The following ARFGEF1 variants were observed in gnomAD, a reference collection of about 807,000 sequenced individuals.
The protein encoded by ARFGEF1 is brefeldin A-inhibited guanine nucleotide-exchange protein 1.
A neutral mutation model predicts 231.0 loss-of-function variants in ARFGEF1; 42 were observed. The observed-to-expected ratio is 0.18, with a 90% CI of 0.14 to 0.24. The LOEUF is 0.24. ARFGEF1 is among the 10% of genes least tolerant of loss of function. ARFGEF1 has a pLI of 1.00. For missense variants in ARFGEF1, 1,345 were observed against 2,192.0 expected (o/e 0.61, Z 7.72); for synonymous variants, 710 against 732.3 (o/e 0.97, Z 0.49).
chr8:67,296,098 T>C (rs1055093555), intron 5 of ARFGEF1, among the ~76,000 whole-genome samples: 2 of 152,180 alleles, frequency 1.3e-5, no homozygotes, highest in African/African-American at 4.8e-5. Context: ...TTATTTCAGA[T>C]TAGATTAAGT....
Position 67,258,241 on chromosome 8 carries a change from A to G in ARFGEF1, c.2285T>C (p.Val762Ala), listed in dbSNP as rs1840522662. The G allele has an allele frequency of 6.2e-7, 1 of 1,610,262 alleles. No homozygotes were observed. The highest frequency in any genetic ancestry group is 8.5e-7 in the Non-Finnish European group (1 of 1,177,028). ...LGDNDKFNKE[V>A]MYAYVDQHDF... is the part of the protein sequence containing the mutation. ...ATGTTGGTCCACATATGCATACATG[A>G]CTTCTTTGTTAAATTTATCATTATC... Residue 762 changes from valine (V) to alanine (A), a missense_variant, in exon 16 of 39, where the codon GTC becomes GCC. Around this residue, in one of 14 missense-constraint regions of ARFGEF1, gnomAD observed 105 missense variants for 159.3 expected, o/e 0.66. Coordinates refer to ENST00000262215, the MANE Select transcript of ARFGEF1 (RefSeq NM_006421.5).
At chr8:67,190,499 TAAAA>T (rs1476791589) in intron 5 of ARFGEF1, 3 of 622,166 alleles carry the variant, frequency 4.8e-6, no homozygotes, top group Non-Finnish European at 5.8e-6. Flanking sequence ...GTAAATTTAC[TAAAA>T]AAATCACCGA....
chr8:67,278,661 C>T (rs978636536), intron 7 of ARFGEF1, among the ~76,000 whole-genome samples: 5 of 152,072 alleles, frequency 3.3e-5, no homozygotes, highest in African/African-American at 4.8e-5. Context: ...GCCTGGCCAA[C>T]ATGGTGAAAC....
chr8:67,320,439 A>G (rs916688020), intron 1 of ARFGEF1, among the ~76,000 whole-genome samples: 1 of 152,154 alleles, frequency 6.6e-6, no homozygotes, highest in Admixed American at 6.5e-5. Flanking sequence ...TTTAGAAAAC[A>G]GTTTGTAAGT....
intron 23 of ARFGEF1, 35 bp downstream of exon 23, chr8:67,232,820 A>G (rs1269067206): frequency 6.8e-7 from 1 of 1,476,512 alleles, no homozygotes; most frequent in Non-Finnish European, 9.3e-7. Context: ...CTGAAATAGT[A>G]ATCATCTGAA....
At chr8:67,311,478 C>T (rs1807052983) in intron 1 of ARFGEF1, among the ~76,000 whole-genome samples, 1 of 143,514 alleles carries the variant, frequency 7.0e-6, no homozygotes. Context: ...GGGTCAGCCA[C>T]CCGCCTGGCC....
intron 22 of ARFGEF1, among the ~76,000 whole-genome samples, chr8:67,235,420 T>C (rs927502134): frequency 5.9e-5 from 9 of 152,130 alleles, no homozygotes; most frequent in Non-Finnish European, 8.8e-5. Flanking sequence ...GCAATCACAA[T>C]AGAGAGGGCA....
intron 4 of ARFGEF1, among the ~76,000 whole-genome samples, chr8:67,297,800 GTTT>G (rs11320985): frequency 4.2e-5 from 6 of 142,306 alleles, no homozygotes; most frequent in African/African-American, 1.3e-4. Flanking sequence ...TGATCAACCC[GTTT>G]TTTTTTTTTT....
intron 17 of ARFGEF1, among the ~76,000 whole-genome samples, chr8:67,256,096 AT>A (rs1440240516): frequency 6.6e-6 from 1 of 152,194 alleles, no homozygotes; most frequent in Non-Finnish European, 1.5e-5. Flanking sequence ...TCTAGTGTAG[AT>A]TGAAAAATCA....
intron 5 of ARFGEF1, among the ~76,000 whole-genome samples, chr8:67,187,834 A>G (rs1351428937): frequency 6.6e-6 from 1 of 152,246 alleles, no homozygotes; most frequent in African/African-American, 2.4e-5. Context: ...GGACATCTGC[A>G]TGTGAAAAAA....
chr8:67,308,763 TTTTTAA>T (rs1361767982), intron 1 of ARFGEF1, among the ~76,000 whole-genome samples: 1 of 152,196 alleles, frequency 6.6e-6, no homozygotes. Context: ...ATTTTTTTAT[TTTTTAA>T]TTTTATTATT....
At chr8:67,185,962 T>G (rs1403411223) in intron 5 of ARFGEF1, among the ~76,000 whole-genome samples, 2 of 152,136 alleles carry the variant, frequency 1.3e-5, no homozygotes, top group Non-Finnish European at 2.9e-5. Context: ...CCTTTGCACT[T>G]AAAGCAAAAA....
chr8:67,196,549 G>A (rs1010187833), downstream of ARFGEF1, among the ~76,000 whole-genome samples: 14 of 152,166 alleles, frequency 9.2e-5, no homozygotes, highest in Non-Finnish European at 1.5e-4. Flanking sequence ...TACTTCCTCT[G>A]ATGTAATTAA....
At chr8:67,295,389 G>A (rs762122615) in intron 5 of ARFGEF1, among the ~76,000 whole-genome samples, 9 of 152,120 alleles carry the variant, frequency 5.9e-5, no homozygotes, top group Non-Finnish European at 1.3e-4. Context: ...AGTGATCAAG[G>A]TTAACATCAC....
intron 22 of ARFGEF1, among the ~76,000 whole-genome samples, chr8:67,236,365 A>AATATATAT (rs34297561): frequency 3.4e-4 from 10 of 29,058 alleles, no homozygotes; most frequent in Admixed American, 6.8e-4. Context: ...AAAAAAAAAA[A>AATATATAT]ATATATATAT....
At chr8:67,304,170 T>G (rs1806632015) in intron 1 of ARFGEF1, among the ~76,000 whole-genome samples, 1 of 152,230 alleles carries the variant, frequency 6.6e-6, no homozygotes, top group Non-Finnish European at 1.5e-5. Context: ...ATCTTTCACG[T>G]ACCAGATACT....
chr8:67,251,106 ACTC>A (rs1840268664), intron 19 of ARFGEF1, among the ~76,000 whole-genome samples, 190 bp downstream of exon 19: 1 of 151,684 alleles, frequency 6.6e-6, no homozygotes, highest in African/African-American at 2.4e-5. Context: ...ATAGTGAGTA[ACTC>A]CTCTTGTTCT....
Position 67,198,509 on chromosome 8 carries a change from A to G in ARFGEF1, c.*425T>C. On this transcript the variant is annotated 3_prime_UTR_variant, in exon 39 of 39. Transcript: ENST00000262215. ...TAAATATCTTTTACCATGAACAATA[A>G]TTTCTTCTTCTCTCCCCACTCCCCA... 1 of 990,030 alleles carries G rather than the reference A, an allele frequency of 1.0e-6. No individual in the cohort carries two copies. Among genetic ancestry groups the G allele is most frequent in the Non-Finnish European group, 1.2e-6 (1 of 833,046 alleles). The allele number at this position is 990,030 out of a possible 1,614,324, so 61.3% of individuals were successfully genotyped here.
intron 5 of ARFGEF1, among the ~76,000 whole-genome samples, chr8:67,179,608 G>A (rs940016299): frequency 6.6e-6 from 1 of 152,172 alleles, no homozygotes; most frequent in Non-Finnish European, 1.5e-5. Context: ...TGGAGCTAGG[G>A]AGTAAATGTG....
Sources: gnomAD v4.1 joint callset for allele counts (sites outside exome capture counted in the v4.1 genomes callset) on GRCh38, gnomAD v4.1.1 for gene constraint, gnomAD v4.1.1 regional missense constraint, MANE v1.5 for transcripts, NCBI Gene and HGNC (gene_info 2026-07-23, HGNC 2026-07-21) for gene names.